The following ST7 variants were observed in gnomAD, a reference collection of about 807,000 sequenced individuals.
The protein encoded by ST7 is suppression of tumorigenicity 7.
ST7 carries 28 observed loss-of-function variants against 78.7 expected under a neutral mutation model. The observed-to-expected ratio is 0.36, with a 90% confidence interval of 0.26 to 0.49. ST7 has a LOEUF of 0.49. ST7 is among the 20% of genes least tolerant of loss of function. The pLI, the probability that ST7 is intolerant of heterozygous loss-of-function variation, is 0.99. For missense variants in ST7, 418 were observed against 696.0 expected, an observed-to-expected ratio of 0.60 and a Z score of 4.49; for synonymous variants, 247 against 249.6, an observed-to-expected ratio of 0.99 and a Z score of 0.10.
chr7:117,011,946 T>TATA (rs1395073807), intron 1 of ST7, among the ~76,000 whole-genome samples: 2 of 152,172 alleles, frequency 1.3e-5, no homozygotes, highest in African/African-American at 4.8e-5. Flanking sequence ...AGTCAGTGTT[T>TATA]ATAGAGTCTA....
intron 1 of ST7, among the ~76,000 whole-genome samples, chr7:117,011,134 TTGTGTGTGTG>T (rs147299288): frequency 6.6e-6 from 1 of 151,012 alleles, no homozygotes; most frequent in Admixed American, 6.6e-5. Context: ...TTTAAGTATT[TTGTGTGTGTG>T]TGTGTGTGTT....
chr7:116,991,950 T>C (rs1794451810), intron 1 of ST7, among the ~76,000 whole-genome samples: 3 of 152,096 alleles, frequency 2.0e-5, no homozygotes, highest in African/African-American at 7.2e-5. Flanking sequence ...AGTGGGGCAG[T>C]CAAATTTTAA....
chr7:117,033,841 C>G (rs1231778845), intron 1 of ST7, among the ~76,000 whole-genome samples: 1 of 152,198 alleles, frequency 6.6e-6, no homozygotes, highest in East Asian at 1.9e-4. Flanking sequence ...GCTGCACGAC[C>G]TTGAGTAGAT....
At chr7:117,036,032 G>A (rs1257093523) in intron 1 of ST7, among the ~76,000 whole-genome samples, 1 of 152,160 alleles carries the variant, frequency 6.6e-6, no homozygotes, top group African/African-American at 2.4e-5. Context: ...AGCGTTATAA[G>A]CCTGAGGTAA....
At chr7:116,994,673 A>G (rs1226856265) in intron 1 of ST7, among the ~76,000 whole-genome samples, 3 of 152,202 alleles carry the variant, frequency 2.0e-5, no homozygotes, top group Admixed American at 2.0e-4. Context: ...TTTCTACTCA[A>G]GACTATTAAA....
At chr7:117,157,460 G>C (rs1482858126) in intron 9 of ST7, among the ~76,000 whole-genome samples, 1 of 151,700 alleles carries the variant, frequency 6.6e-6, no homozygotes, top group African/African-American at 2.4e-5. Flanking sequence ...GTGTGTAGAT[G>C]AATGTCAGAG....
chr7:117,162,861 A>G (rs1308683725), intron 9 of ST7, among the ~76,000 whole-genome samples: 2 of 152,164 alleles, frequency 1.3e-5, no homozygotes, highest in Non-Finnish European at 1.5e-5. Flanking sequence ...ATGGAACACT[A>G]GAAGTTATTC....
At chr7:117,032,876 C>T (rs1796674666) in intron 1 of ST7, among the ~76,000 whole-genome samples, 1 of 152,144 alleles carries the variant, frequency 6.6e-6, no homozygotes, top group African/African-American at 2.4e-5. Context: ...CTTTCTCACC[C>T]TTTTTCTAAG....
intron 10 of ST7, 56 bp from the exon 11 acceptor site, chr7:117,189,265 G>A (rs1809557996): frequency 7.8e-7 from 1 of 1,279,206 alleles, no homozygotes; most frequent in Non-Finnish European, 1.1e-6. Flanking sequence ...TATTGAAAAT[G>A]ATTGCTCTTT....
chr7:117,107,000 T>A (rs1259556541), intron 2 of ST7, among the ~76,000 whole-genome samples: 1 of 152,154 alleles, frequency 6.6e-6, no homozygotes, highest in Non-Finnish European at 1.5e-5. Flanking sequence ...GGCTTTCCAT[T>A]CCTGAGTTAC....
chr7:117,165,188 G>T (rs995393603), intron 9 of ST7, among the ~76,000 whole-genome samples: 1 of 152,130 alleles, frequency 6.6e-6, no homozygotes, highest in African/African-American at 2.4e-5. Context: ...CTGAGAGAGG[G>T]CCTTAAAAGT....
chr7:116,987,885 G>A, intron 1 of ST7, among the ~76,000 whole-genome samples: 1 of 152,048 alleles, frequency 6.6e-6, no homozygotes. Context: ...CACCATGCCC[G>A]ACTACTAATT....
intron 9 of ST7, among the ~76,000 whole-genome samples, chr7:117,140,618 A>T (rs1805202462): frequency 6.6e-6 from 1 of 152,048 alleles, no homozygotes; most frequent in Non-Finnish European, 1.5e-5. Context: ...CACTCAGTTA[A>T]TTTCTCTCTT....
At chr7:117,022,909 A>C (rs1399870267) in intron 1 of ST7, 1 of 152,118 alleles carries the variant, frequency 6.6e-6, no homozygotes, top group Non-Finnish European at 1.5e-5. Flanking sequence ...ATAGAACTCT[A>C]CTCAGCTCAA....
At chr7:116,960,168 C>T (rs545986251) in intron 1 of ST7, among the ~76,000 whole-genome samples, 10 of 151,930 alleles carry the variant, frequency 6.6e-5, no homozygotes, top group Non-Finnish European at 8.8e-5. Flanking sequence ...CCTCCAAATA[C>T]GCTGGGATTC....
chr7:117,107,426 C>G (rs895119703), intron 2 of ST7, among the ~76,000 whole-genome samples: 2 of 151,894 alleles, frequency 1.3e-5, no homozygotes, highest in Non-Finnish European at 2.9e-5. Context: ...ATACCCATAT[C>G]TATTATTTTT....
intron 1 of ST7, among the ~76,000 whole-genome samples, chr7:117,095,391 G>A (rs1387926662): frequency 6.6e-6 from 1 of 152,110 alleles, no homozygotes; most frequent in Non-Finnish European, 1.5e-5. Context: ...ATGCTTTTCT[G>A]TGATCCATAG....
At chr7:117,171,115 A>C (rs1807956390) in intron 10 of ST7, 139 bp downstream of exon 10, 1 of 478,974 alleles carries the variant, frequency 2.1e-6, no homozygotes, top group Non-Finnish European at 3.6e-6. Context: ...CAGTTTTATG[A>C]TGGTGTTTGG....
intron 3 of ST7, among the ~76,000 whole-genome samples, chr7:117,128,851 C>G (rs977905285): frequency 1.3e-5 from 2 of 151,828 alleles, no homozygotes; most frequent in African/African-American, 4.8e-5. Context: ...TAATTGCTCA[C>G]TTTTTTGTAC....
Sources: gnomAD v4.1 joint callset for allele counts (sites outside exome capture counted in the v4.1 genomes callset) on GRCh38, gnomAD v4.1.1 for gene constraint, MANE v1.5 for transcripts, NCBI Gene and HGNC (gene_info 2026-07-23, HGNC 2026-07-21) for gene names.